Variants in SCHIP1 observed in about 807,000 individuals in gnomAD.
SCHIP1 encodes the protein schwannomin-interacting protein 1.
SCHIP1 carries 8 observed loss-of-function variants against 29.7 expected under a neutral mutation model. That is an observed-to-expected ratio of 0.27 (90% confidence interval 0.16 to 0.49). The LOEUF is 0.49. Ranked by LOEUF, SCHIP1 falls within the 20% of genes least tolerant of loss-of-function variation. The probability of loss-of-function intolerance (pLI) is 0.99; values close to 1 mark genes in which losing one functional copy is unlikely to be tolerated. For missense variants in SCHIP1, 193 were observed against 294.6 expected (o/e 0.66, Z 2.52); for synonymous variants, 76 against 94.9 (o/e 0.80, Z 1.16).
chr3:159,491,465 C>G, the SCHIP1 span, among the ~76,000 whole-genome samples: 1 of 152,238 alleles, frequency 6.6e-6, no homozygotes, highest in South Asian at 2.1e-4. Flanking sequence ...ATATCCAGCA[C>G]CTGGCTTGGA....
chr3:159,462,268 G>A, the SCHIP1 span, among the ~76,000 whole-genome samples: 1 of 151,888 alleles, frequency 6.6e-6, no homozygotes, highest in Non-Finnish European at 1.5e-5. Flanking sequence ...ACCACCAGAG[G>A]TACCATTGTT....
chr3:159,614,458 CTTGT>C, the SCHIP1 span, among the ~76,000 whole-genome samples: 1 of 152,088 alleles, frequency 6.6e-6, no homozygotes, highest in Admixed American at 6.5e-5. Context: ...ATGTCCTTAT[CTTGT>C]TTTTTTTCAC....
chr3:159,601,985 G>C, the SCHIP1 span, among the ~76,000 whole-genome samples: 3 of 152,198 alleles, frequency 2.0e-5, no homozygotes, highest in African/African-American at 7.2e-5. Flanking sequence ...AGGTCTCATA[G>C]GGGAGGGTGA....
At chr3:159,873,695 C>G (rs2109320136) in intron 2 of SCHIP1, among the ~76,000 whole-genome samples, 1 of 152,262 alleles carries the variant, frequency 6.6e-6, no homozygotes, top group Middle Eastern at 3.4e-3. Flanking sequence ...TTTGCTAATC[C>G]ACACATTATC....
the SCHIP1 span, among the ~76,000 whole-genome samples, chr3:159,680,064 G>A: frequency 2.6e-5 from 4 of 151,634 alleles, no homozygotes; most frequent in African/African-American, 4.8e-5. Context: ...AACACACTAC[G>A]TGCGTTACTT....
the SCHIP1 span, among the ~76,000 whole-genome samples, chr3:159,431,372 G>A: frequency 6.6e-6 from 1 of 151,828 alleles, no homozygotes; most frequent in Admixed American, 6.6e-5. Flanking sequence ...TATAAAAGGT[G>A]AGGGGAAAAA....
chr3:159,591,989 C>CA, the SCHIP1 span, among the ~76,000 whole-genome samples: 1,269 of 120,860 alleles, frequency 0.01, 7 homozygotes, highest in Non-Finnish European at 0.014. Flanking sequence ...AGAAGACCCT[C>CA]AAAAAAAAAA....
At chr3:159,471,418 T>G in the SCHIP1 span, among the ~76,000 whole-genome samples, 1 of 152,092 alleles carries the variant, frequency 6.6e-6, no homozygotes, top group Non-Finnish European at 1.5e-5. Context: ...GAACAGCTTT[T>G]CCATTTAGAT....
the SCHIP1 span, among the ~76,000 whole-genome samples, chr3:159,769,187 C>T: frequency 3.4e-5 from 5 of 146,146 alleles, no homozygotes; most frequent in South Asian, 4.5e-4. Context: ...CACAAACAGT[C>T]GGCTTTCTCT....
chr3:159,864,025 A>G (rs190065322), intron 1 of SCHIP1, among the ~76,000 whole-genome samples: 80 of 152,230 alleles, frequency 5.3e-4, no homozygotes, highest in African/African-American at 1.9e-3. Flanking sequence ...CTATCTACTG[A>G]TTTTATATTT....
At chr3:159,571,394 G>A in the SCHIP1 span, among the ~76,000 whole-genome samples, 708 of 152,158 alleles carry the variant, frequency 4.7e-3, 2 homozygotes, top group Middle Eastern at 0.017. Context: ...TAATCATGTC[G>A]TTTTTATCAT....
At chr3:159,511,482 C>T in the SCHIP1 span, among the ~76,000 whole-genome samples, 3 of 152,204 alleles carry the variant, frequency 2.0e-5, no homozygotes, top group Admixed American at 6.5e-5. Flanking sequence ...GTCCTGCCCC[C>T]ACTGTTCAAT....
At chr3:159,522,193 G>T in the SCHIP1 span, among the ~76,000 whole-genome samples, 1 of 152,194 alleles carries the variant, frequency 6.6e-6, no homozygotes, top group Non-Finnish European at 1.5e-5. Flanking sequence ...ATACAGTCAT[G>T]CAGAATAAAG....
At chr3:159,408,094 C>T in the SCHIP1 span, among the ~76,000 whole-genome samples, 15 of 152,032 alleles carry the variant, frequency 9.9e-5, no homozygotes, top group East Asian at 3.9e-4. Flanking sequence ...GTCAGGAGAT[C>T]GAGACCATCC....
the SCHIP1 span, among the ~76,000 whole-genome samples, chr3:159,692,090 G>A: frequency 6.9e-6 from 1 of 144,834 alleles, no homozygotes; most frequent in South Asian, 2.2e-4. Context: ...CTGCAGTGGC[G>A]CAATCTCGGC....
the SCHIP1 span, among the ~76,000 whole-genome samples, chr3:159,740,380 T>C: frequency 1.3e-5 from 2 of 151,626 alleles, no homozygotes; most frequent in Admixed American, 1.3e-4. Flanking sequence ...GAGAGGAGAG[T>C]TGGGGAGTCA....
At chr3:159,502,146 A>G in the SCHIP1 span, among the ~76,000 whole-genome samples, 1 of 152,238 alleles carries the variant, frequency 6.6e-6, no homozygotes, top group Non-Finnish European at 1.5e-5. Flanking sequence ...AAGGGAAAAG[A>G]AATCTTCTAA....
chr3:159,471,701 A>G, the SCHIP1 span, among the ~76,000 whole-genome samples: 1 of 152,166 alleles, frequency 6.6e-6, no homozygotes, highest in Non-Finnish European at 1.5e-5. Flanking sequence ...ACAAGAAAAC[A>G]TTAAAACTCT....
At chr3:159,535,090 C>T in the SCHIP1 span, among the ~76,000 whole-genome samples, 1 of 152,130 alleles carries the variant, frequency 6.6e-6, no homozygotes, top group South Asian at 2.1e-4. Context: ...GTTGAGCACC[C>T]TTGATGTACC....
Sources: allele counts gnomAD v4.1 joint callset (sites outside exome capture counted in the v4.1 genomes callset), GRCh38; gene constraint gnomAD v4.1.1; transcripts MANE v1.5; gene names NCBI Gene and HGNC (gene_info 2026-07-23, HGNC 2026-07-21).